The following OMA1 variants were observed in gnomAD, a reference collection of about 807,000 sequenced individuals.
The protein encoded by OMA1 is metalloendopeptidase OMA1, mitochondrial.
A neutral mutation model predicts 30.9 loss-of-function variants in OMA1; 38 were observed. The observed-to-expected ratio is 1.23, with a 90% CI of 0.95 to 1.61. The LOEUF (loss-of-function observed/expected upper bound fraction) is 1.61. OMA1 is among the 40% of genes most tolerant of loss of function. OMA1 has a pLI of 0.00. For missense variants in OMA1, 461 were observed against 349.2 expected, an observed-to-expected ratio of 1.32 and a Z score of -2.55; for synonymous variants, 173 against 121.9, an observed-to-expected ratio of 1.42 and a Z score of -2.76.
chr1:58,541,688 G>C (rs1646623766), intron 1 of OMA1: 1 of 142,000 alleles, frequency 7.0e-6, no homozygotes, highest in Non-Finnish European at 1.5e-5. Context: ...ATCTAAATAT[G>C]AATTGAATTT....
chr1:58,481,257 CA>C (rs1645477390), intron 8 of OMA1, 83 bp from the exon 9 acceptor site: 6 of 471,094 alleles, frequency 1.3e-5, no homozygotes, highest in African/African-American at 2.0e-5. Flanking sequence ...TAATATGCTC[CA>C]TGTAAAACAA....
At chr1:58,538,729 AC>A in intron 2 of OMA1, 65 bp downstream of exon 2, 1 of 659,210 alleles carries the variant, frequency 1.5e-6, no homozygotes, top group Non-Finnish European at 2.6e-6. Flanking sequence ...AAAAGTTAAT[AC>A]GTTAGCACAA....
chr1:58,522,862 T>C (rs980382206), intron 7 of OMA1, among the ~76,000 whole-genome samples: 3 of 152,196 alleles, frequency 2.0e-5, no homozygotes, highest in Middle Eastern at 3.2e-3. Context: ...CATAAATGTC[T>C]CCATCCTTAT....
intron 8 of OMA1, among the ~76,000 whole-genome samples, chr1:58,490,421 T>C (rs912196826): frequency 8.5e-5 from 13 of 152,170 alleles, no homozygotes; most frequent in Admixed American, 7.9e-4. Context: ...GAACAAAGCC[T>C]CCAAGAAATA....
At chr1:58,536,129 G>A (rs1425004754) in intron 3 of OMA1, among the ~76,000 whole-genome samples, 1 of 152,076 alleles carries the variant, frequency 6.6e-6, no homozygotes, top group Non-Finnish European at 1.5e-5. Context: ...AAAAGCCTAG[G>A]AGACCTAACC....
intron 7 of OMA1, among the ~76,000 whole-genome samples, chr1:58,522,176 G>A (rs970332086): frequency 6.6e-6 from 1 of 152,088 alleles, no homozygotes; most frequent in African/African-American, 2.4e-5. Context: ...GAAAATGCAG[G>A]GGGAAGGAGA....
intron 7 of OMA1, among the ~76,000 whole-genome samples, chr1:58,519,007 G>A (rs2062833): frequency 0.95 from 144,563 of 152,238 alleles, 69,088 homozygotes; most frequent in East Asian, 1. Flanking sequence ...TTGGCAGTAT[G>A]GTTCCAGAGT....
chr1:58,517,206 T>C (rs891307467), intron 7 of OMA1, among the ~76,000 whole-genome samples: 2 of 152,220 alleles, frequency 1.3e-5, no homozygotes, highest in Non-Finnish European at 2.9e-5. Context: ...AACACACATC[T>C]GGACTACTGA....
intron 7 of OMA1, among the ~76,000 whole-genome samples, chr1:58,516,685 G>GT (rs1293061566): frequency 2.0e-5 from 3 of 152,124 alleles, no homozygotes; most frequent in African/African-American, 7.2e-5. Context: ...GAGTAACATC[G>GT]TTTTTGTGAA....
intron 8 of OMA1, among the ~76,000 whole-genome samples, chr1:58,491,426 A>C (rs1645687077): frequency 6.6e-6 from 1 of 152,168 alleles, no homozygotes; most frequent in South Asian, 2.1e-4. Flanking sequence ...ATTAACCTTA[A>C]ATGTAAATGG....
intron 6 of OMA1, among the ~76,000 whole-genome samples, chr1:58,528,204 T>C (rs1359715591): frequency 1.3e-5 from 2 of 152,344 alleles, no homozygotes; most frequent in African/African-American, 2.4e-5. Flanking sequence ...GCAGGCTGCA[T>C]GTGCCCCCGT....
chr1:58,505,021 C>A (rs1458670383), intron 8 of OMA1, among the ~76,000 whole-genome samples: 1 of 152,012 alleles, frequency 6.6e-6, no homozygotes, highest in Admixed American at 6.6e-5. Flanking sequence ...GGCACGATCT[C>A]GGCTCACTAC....
chr1:58,540,742 G>A (rs1444458682), intron 1 of OMA1, among the ~76,000 whole-genome samples: 3 of 151,380 alleles, frequency 2.0e-5, no homozygotes, highest in Non-Finnish European at 4.4e-5. Context: ...CATCAATGAG[G>A]TATGCAATAA....
chr1:58,490,720 C>T (rs1047375679), intron 8 of OMA1, among the ~76,000 whole-genome samples: 1 of 151,238 alleles, frequency 6.6e-6, no homozygotes, highest in Non-Finnish European at 1.5e-5. Flanking sequence ...CAAAGGGAAG[C>T]CCATCAGACT....
intron 5 of OMA1, among the ~76,000 whole-genome samples, chr1:58,531,101 C>A (rs1307959156): frequency 6.6e-6 from 1 of 152,136 alleles, no homozygotes; most frequent in African/African-American, 2.4e-5. Context: ...ACAGCTATTA[C>A]TAAAAGGACC....
intron 7 of OMA1, among the ~76,000 whole-genome samples, chr1:58,515,208 T>C (rs1646140838): frequency 6.6e-6 from 1 of 152,210 alleles, no homozygotes; most frequent in South Asian, 2.1e-4. Context: ...ATTGCTCTTT[T>C]CCAACTAAAT....
intron 7 of OMA1, among the ~76,000 whole-genome samples, chr1:58,524,632 T>G (rs146996488): frequency 4.3e-4 from 65 of 152,326 alleles, no homozygotes; most frequent in African/African-American, 1.2e-3. Context: ...TCAACGGTCC[T>G]TATTCTGGAT....
At chr1:58,482,249 T>A (rs1388153290) in intron 8 of OMA1, among the ~76,000 whole-genome samples, 1 of 152,026 alleles carries the variant, frequency 6.6e-6, no homozygotes, top group Non-Finnish European at 1.5e-5. Context: ...GGAAAATAAT[T>A]AAGGCCCAAA....
At chr1:58,483,838 C>A (rs10489815) in intron 8 of OMA1, among the ~76,000 whole-genome samples, 27,047 of 152,128 alleles carry the variant, frequency 0.18, 2,545 homozygotes, top group Middle Eastern at 0.23. Context: ...AGTTCCTTTA[C>A]AATGATGTTA....
Sources: gnomAD v4.1 joint callset for allele counts (sites outside exome capture counted in the v4.1 genomes callset) on GRCh38, gnomAD v4.1.1 for gene constraint, MANE v1.5 for transcripts, NCBI Gene and HGNC (gene_info 2026-07-23, HGNC 2026-07-21) for gene names.